The following ACO1 variants were observed in gnomAD, a reference collection of about 807,000 sequenced individuals.
ACO1 encodes cytoplasmic aconitate hydratase.
A neutral mutation model predicts 105.1 loss-of-function variants in ACO1; 78 were observed. The ratio of observed to expected loss-of-function variants is 0.74; its 90% confidence interval spans 0.62 to 0.90. The LOEUF (loss-of-function observed/expected upper bound fraction) is 0.90. Ranked by LOEUF, ACO1 falls within the 40% of genes least tolerant of loss-of-function variation. The pLI, the probability that ACO1 is intolerant of heterozygous loss-of-function variation, is 0.00. For missense variants in ACO1, 965 were observed against 1,111.1 expected (o/e 0.87, Z 1.87); for synonymous variants, 364 against 397.4 (o/e 0.92, Z 1.00).
intron 1 of ACO1, among the ~76,000 whole-genome samples, chr9:32,403,317 C>T (rs147281147): frequency 6.6e-6 from 1 of 152,314 alleles, no homozygotes; most frequent in African/African-American, 2.4e-5. Context: ...GTGTAAAGCA[C>T]TTGGCATGTG....
rs61753543 is a variant in ACO1 at position 32,418,475 on chromosome 9, A to G, written c.622A>G (p.Thr208Ala). 2,353 of 1,614,004 alleles carry G rather than the reference A, an allele frequency of 1.5e-3. 5 individuals carry two copies. The highest frequency in any genetic ancestry group is 1.7e-3 in the Non-Finnish European group (2,054 of 1,179,886). Reference sequence around the variant, plus strand: ...CAGCCTCGTGGGCACAGACTCGCACACTACCATGATTGATGGCTTGGGCAT... The same window carrying G: ...CAGCCTCGTGGGCACAGACTCGCACGCTACCATGATTGATGGCTTGGGCAT... ...PDSLVGTDSH[T>A]TMIDGLGILG... Residue 208 changes from threonine (T) to alanine (A), a missense_variant, in exon 6 of 21, where the codon ACT (threonine) becomes GCT (alanine). By Grantham distance (58) the Thr-to-Ala change is moderately conservative. Coordinates refer to ENST00000309951, the MANE Select transcript of ACO1 (RefSeq NM_002197.3).
At chr9:32,420,326 T>A (rs1170046747) in intron 7 of ACO1, among the ~76,000 whole-genome samples, 1 of 152,262 alleles carries the variant, frequency 6.6e-6, no homozygotes, top group African/African-American at 2.4e-5. Context: ...GTTGAAAGAA[T>A]TTAATATGTA....
intron 14 of ACO1, 119 bp downstream of exon 14, chr9:32,430,693 G>A: frequency 8.8e-7 from 1 of 1,138,914 alleles, no homozygotes; most frequent in Non-Finnish European, 1.2e-6. Context: ...AGACAAAGAA[G>A]AGAATAATTT....
intron 2 of ACO1, among the ~76,000 whole-genome samples, chr9:32,406,000 G>A (rs1051120079): frequency 5.9e-5 from 9 of 152,128 alleles, no homozygotes; most frequent in Non-Finnish European, 1.0e-4. Context: ...TCCAAATTCC[G>A]TCCTTTTTCT....
rs1178209297 is a variant in ACO1 at position 32,451,431 on chromosome 9, C to A, written c.*1320C>A. ...CTAATTGTATTGGATCAGGGTCCCA[C>A]TCTTATGGAGACCCAGGAAAGCTGG... On this transcript the variant is annotated 3_prime_UTR_variant, in exon 21 of 21. Coordinates refer to ENST00000309951, the MANE Select transcript of ACO1 (RefSeq NM_002197.3). The A allele has an allele frequency of 2.0e-5, 3 of 152,168 alleles. No individual in the cohort carries two copies. The highest frequency in any genetic ancestry group is 7.2e-5 in the African/African-American group (3 of 41,426). 9.4% of individuals were successfully genotyped at this position (152,168 alleles called of 1,614,324 possible).
chr9:32,403,415 C>T (rs1487612712), intron 1 of ACO1, among the ~76,000 whole-genome samples: 1 of 151,968 alleles, frequency 6.6e-6, no homozygotes, highest in African/African-American at 2.4e-5. Context: ...ATCTAGCTTC[C>T]AAGGAAAAAG....
chr9:32,434,266 G>A (rs1358183513), intron 16 of ACO1, among the ~76,000 whole-genome samples: 2 of 152,202 alleles, frequency 1.3e-5, no homozygotes, highest in African/African-American at 4.8e-5. Flanking sequence ...TAGCATCTGA[G>A]GAGTTCTAGG....
intron 19 of ACO1, among the ~76,000 whole-genome samples, 197 bp from the exon 20 acceptor site, chr9:32,448,699 G>A (rs1435511384): frequency 1.3e-5 from 2 of 152,176 alleles, no homozygotes; most frequent in Non-Finnish European, 2.9e-5. Flanking sequence ...TGTCCAACCA[G>A]TCCCAATGAG....
chr9:32,400,160 A>G (rs1040355931), intron 1 of ACO1, among the ~76,000 whole-genome samples: 4 of 151,792 alleles, frequency 2.6e-5, no homozygotes, highest in Admixed American at 6.6e-5. Flanking sequence ...TAGTAGAGAT[A>G]GGGTTTCACC....
At chr9:32,397,053 A>G (rs577626385) in intron 1 of ACO1, among the ~76,000 whole-genome samples, 2 of 152,306 alleles carry the variant, frequency 1.3e-5, no homozygotes, top group East Asian at 3.9e-4. Context: ...CTGAGTGAAA[A>G]TAGACCACTA....
intron 19 of ACO1, among the ~76,000 whole-genome samples, chr9:32,448,190 A>T (rs1822664715): frequency 6.6e-6 from 1 of 152,172 alleles, no homozygotes; most frequent in Non-Finnish European, 1.5e-5. Context: ...TGGGGGTGTT[A>T]TCTATAAGTA....
rs761834620 is a variant in ACO1, at chr9:32,440,612, G to GAGGC, written c.2370+28_2370+31dup. ...GGTGAGTATGAAGTAGACATCCTAG[G>GAGGC]AGGCAGCTCCCCTCTGAACTGGGAG... On this transcript the variant is annotated intron_variant, in intron 19 of 20. Transcript: ENST00000309951. 8 of 1,611,062 alleles carry GAGGC rather than the reference G, an allele frequency of 5.0e-6. 1 individual carries two copies. In the South Asian group the frequency reaches 8.8e-5, roughly 18 times the overall value.
intron 1 of ACO1, among the ~76,000 whole-genome samples, chr9:32,393,082 T>C (rs544159112): frequency 1.3e-5 from 2 of 152,298 alleles, no homozygotes; most frequent in East Asian, 3.9e-4. Flanking sequence ...ATATGAAATC[T>C]GGGCTGCTTG....
intron 14 of ACO1, among the ~76,000 whole-genome samples, 156 bp from the exon 15 acceptor site, chr9:32,431,563 G>T (rs539015159): frequency 8.7e-4 from 133 of 152,286 alleles, no homozygotes; most frequent in African/African-American, 3.0e-3. Context: ...ACCTAACCCT[G>T]TATTTCCTCC....
At position 32,427,318 on chromosome 9, in the gene ACO1, G is replaced by T. The variant is rs184849317; in HGVS notation, c.1366G>T (p.Ala456Ser). 1 of 1,614,208 alleles carries T rather than the reference G, an allele frequency of 6.2e-7. No individual in the cohort carries two copies. The highest frequency in any genetic ancestry group is 1.3e-5 in the African/African-American group (1 of 75,062). Residue 456 changes from alanine (A) to serine (S), a missense_variant, in exon 12 of 21, where the codon GCT becomes TCT. By Grantham distance (99) the Ala-to-Ser change is moderately conservative. Coordinates refer to ENST00000309951, the MANE Select transcript of ACO1 (RefSeq NM_002197.3). ...MLGAGLLAKK[A>S]VDAGLNVMPY... is the part of the protein sequence containing the mutation. ...TTTCACAGGATTGTTAGCAAAGAAAGCTGTGGATGCTGGCCTGAACGTGAT... is the reference window on the plus strand; with the variant it reads ...TTTCACAGGATTGTTAGCAAAGAAATCTGTGGATGCTGGCCTGAACGTGAT...
At chr9:32,398,186 C>G (rs750205408) in intron 1 of ACO1, among the ~76,000 whole-genome samples, 21 of 152,306 alleles carry the variant, frequency 1.4e-4, no homozygotes, top group Non-Finnish European at 2.6e-4. Context: ...TAATATTTCA[C>G]TATCATAGGA....
chr9:32,442,624 CATTT>C (rs1274736897), intron 19 of ACO1, among the ~76,000 whole-genome samples: 9 of 152,124 alleles, frequency 5.9e-5, no homozygotes. Flanking sequence ...AAGAGGTAAT[CATTT>C]ACTTTATCTG....
chr9:32,424,839 G>A (rs73644953), intron 10 of ACO1, among the ~76,000 whole-genome samples, 174 bp downstream of exon 10: 2,471 of 152,240 alleles, frequency 0.016, 76 homozygotes, highest in African/African-American at 0.055. Flanking sequence ...CGAGCCAAGC[G>A]GCAAGAGCCA....
At chr9:32,417,803 C>T (rs1821883259) in intron 4 of ACO1, among the ~76,000 whole-genome samples, 2 of 152,176 alleles carry the variant, frequency 1.3e-5, no homozygotes, top group Non-Finnish European at 2.9e-5. Flanking sequence ...AATGTCCAGG[C>T]TGCTGTTGTC....
Sources: gnomAD v4.1 joint callset for allele counts (sites outside exome capture counted in the v4.1 genomes callset) on GRCh38, gnomAD v4.1.1 for gene constraint, MANE v1.5 for transcripts, NCBI Gene and HGNC (gene_info 2026-07-23, HGNC 2026-07-21) for gene names.